Variants in PPM1K observed in about 807,000 individuals in gnomAD.
The protein encoded by PPM1K is protein phosphatase, Mg2+/Mn2+ dependent 1K, also known as protein phosphatase Mn(2+)-dependent 1K.
Under a neutral mutation model 32.6 loss-of-function variants are expected in PPM1K, and 19 were observed. That is an observed-to-expected ratio of 0.58 (90% CI 0.41 to 0.86). PPM1K has a LOEUF of 0.86. Among genes scored for constraint, PPM1K ranks in the 40% least tolerant of loss-of-function variants. PPM1K has a pLI of 0.00. For synonymous variants in PPM1K, 159 were observed against 165.3 expected, an observed-to-expected ratio of 0.96 and a Z score of 0.29; for missense variants, 362 against 461.2, an observed-to-expected ratio of 0.78 and a Z score of 1.97.
intron 6 of PPM1K, among the ~76,000 whole-genome samples, chr4:88,263,216 A>T (rs139400292): frequency 5.5e-4 from 84 of 152,348 alleles, no homozygotes; most frequent in African/African-American, 1.8e-3. Flanking sequence ...AATGGCTAAT[A>T]AGCCTATGCA....
Position 88,265,147 on chromosome 4 carries a change from A to G in PPM1K, c.853-12T>C. ...TCAGCATGATGTAACTGCAATCAGA[A>G]CCAAATGCCTATGATTATAAGCTAG... On this transcript the variant is annotated splice_polypyrimidine_tract_variant and intron_variant, in intron 5 of 6. Coordinates refer to ENST00000608933, the MANE Select transcript of PPM1K (RefSeq NM_152542.5). 6.2e-7 allele frequency: 1 copy of G among 1,614,048 alleles called. No homozygotes were observed. Among genetic ancestry groups the G allele is most frequent in the African/African-American group, 1.3e-5 (1 of 75,036 alleles).
rs1225897773 is a variant in PPM1K, at chr4:88,262,545, C to T, written c.*50G>A. The T allele has an allele frequency of 6.2e-7, 1 of 1,600,274 alleles. No individual in the cohort carries two copies. The highest frequency in any genetic ancestry group is 1.3e-5 in the African/African-American group (1 of 74,466). On this transcript the variant is annotated 3_prime_UTR_variant, in exon 7 of 7. Transcript: ENST00000608933. ...CTTTTTGATCTTATCAGTTTCTTGACATGCTCAGTGAAAAACTGTTGCACA... is the reference window on the plus strand; with the variant it reads ...CTTTTTGATCTTATCAGTTTCTTGATATGCTCAGTGAAAAACTGTTGCACA...
At chr4:88,263,646 A>C (rs953116824) in intron 6 of PPM1K, among the ~76,000 whole-genome samples, 4 of 152,060 alleles carry the variant, frequency 2.6e-5, no homozygotes, top group African/African-American at 9.7e-5. Context: ...GGGTCTCGCC[A>C]TGTTGCCCAA....
intron 5 of PPM1K, 22 bp downstream of exon 5, chr4:88,268,168 G>C: frequency 6.2e-7 from 1 of 1,612,814 alleles, no homozygotes; most frequent in Non-Finnish European, 8.5e-7. Flanking sequence ...GGTTTATCAA[G>C]TGTTTGCAGG....
In PPM1K at chr4:88,260,745, T is replaced by G. The variant is rs919611641; in HGVS notation, c.*1850A>C. On this transcript the variant is annotated 3_prime_UTR_variant, in exon 7 of 7. Transcript: ENST00000608933. ...GGCCCTCTCCCTCCTCATACATTTT[T>G]ACCCAAAGCTTAAAGAAAAAAAAAA... The G allele has an allele frequency of 6.6e-6, 1 of 151,946 alleles. No homozygotes were observed. The highest frequency in any genetic ancestry group is 1.5e-5 in the Non-Finnish European group (1 of 67,996). 9.4% of individuals were successfully genotyped at this position (151,946 alleles called of 1,614,324 possible). A position where few individuals can be genotyped will look rare whatever the true frequency, so the allele number is the denominator to read the frequency against.
At chr4:88,268,393 A>T (rs188321985) in intron 4 of PPM1K, 59 bp from the exon 5 acceptor site, 18 of 1,584,700 alleles carry the variant, frequency 1.1e-5, no homozygotes, top group East Asian at 4.5e-5. Flanking sequence ...GAGGCCAAGG[A>T]GGGCAGATCA....
In PPM1K at chr4:88,264,329, G is replaced by A. The variant is rs1230584300; in HGVS notation, c.987+672C>T. On this transcript the variant is annotated intron_variant, in intron 6 of 6. Transcript: ENST00000608933. ...AGCATAGTTTATGTTTTCTTTACTG[G>A]ATATTACCCAGCTTTCTTTTAATTT... Among the ~76,000 whole-genome samples, 4 of 152,100 alleles carry A rather than the reference G, an allele frequency of 2.6e-5. No homozygotes were observed. In the East Asian group the frequency reaches 7.7e-4, roughly 29 times the overall value.
chr4:88,284,366 G>C (rs1732155334), intron 1 of PPM1K, 40 bp downstream of exon 1: 1 of 152,284 alleles, frequency 6.6e-6, no homozygotes, highest in Admixed American at 6.5e-5. Flanking sequence ...AGCATACATG[G>C]TTAGCAGAAA....
In PPM1K at chr4:88,262,692, G is replaced by C. The variant is rs1731166870; in HGVS notation, c.1022C>G (p.Ala341Gly). ...CCAGGCACCAAAAGGCACTACTACT[G>C]CAGTACTGTTATCCTCAGTACCGTA... ...IQYGTEDNST[A>G]VVVPFGAWGK... Residue 341 changes from alanine (A) to glycine (G), a missense_variant, in exon 7 of 7, where the codon GCA becomes GGA. By Grantham distance (60) the Ala-to-Gly change is moderately conservative (BLOSUM62 0). Coordinates refer to ENST00000608933, the MANE Select transcript of PPM1K (RefSeq NM_152542.5). 2 of 1,613,980 alleles carry C rather than the reference G, an allele frequency of 1.2e-6. No homozygotes were observed. The highest frequency in any genetic ancestry group is 1.7e-6 in the Non-Finnish European group (2 of 1,179,900).
intron 6 of PPM1K, among the ~76,000 whole-genome samples, chr4:88,263,107 C>T (rs781049016): frequency 1.3e-5 from 2 of 152,072 alleles, no homozygotes; most frequent in African/African-American, 4.8e-5. Context: ...TTAGCTCTTA[C>T]CAGGAATTCA....
At chr4:88,270,072 C>G (rs571400351) in intron 3 of PPM1K, among the ~76,000 whole-genome samples, 1 of 152,218 alleles carries the variant, frequency 6.6e-6, no homozygotes, top group South Asian at 2.1e-4. Flanking sequence ...AAGATGACTT[C>G]GATTTTAAAG....
chr4:88,268,254 C>A lies in PPM1K; in HGVS notation c.788G>T (p.Ser263Ile). ...HVNGRLAMTR[S>I]IGDLDLKTSG... ...GGTCTTAAGGTCCAAATCTCCAATACTTCTTGTCATTGCAAGCCTGCCATT... is the reference window on the plus strand; with the variant it reads ...GGTCTTAAGGTCCAAATCTCCAATAATTCTTGTCATTGCAAGCCTGCCATT... The change falls in exon 5 of 7, where the codon AGT (serine) becomes ATT (isoleucine). Residue 263 changes from serine to isoleucine, a missense_variant. Coordinates refer to ENST00000608933, the MANE Select transcript of PPM1K (RefSeq NM_152542.5). 6.2e-7 allele frequency: 1 copy of A among 1,614,116 alleles called. No individual in the cohort carries two copies. The highest frequency in any genetic ancestry group is 1.3e-5 in the African/African-American group (1 of 75,042).
At position 88,272,354 on chromosome 4, in the gene PPM1K, T is replaced by C. The variant is rs143042151; in HGVS notation, c.542-3448A>G. Reference sequence around the variant, plus strand: ...AAGAGGTCACAGGATATGAAGAACATAAAAGTTTCTGGTGAGACTCATAAT... The same window carrying C: ...AAGAGGTCACAGGATATGAAGAACACAAAAGTTTCTGGTGAGACTCATAAT... On this transcript the variant is annotated intron_variant, in intron 3 of 6. Transcript: ENST00000608933. Among the ~76,000 whole-genome samples, 160 of 152,282 alleles carry C rather than the reference T, an allele frequency of 1.1e-3. 2 individuals are homozygous for C. The highest frequency in any genetic ancestry group is 2.5e-3 in the Admixed American group (38 of 15,296).
At chr4:88,274,152 C>T (rs1025309860) in intron 3 of PPM1K, among the ~76,000 whole-genome samples, 4 of 152,176 alleles carry the variant, frequency 2.6e-5, no homozygotes, top group East Asian at 3.8e-4. Context: ...TTACGCCAGA[C>T]GAGCAATGCT....
In PPM1K at chr4:88,278,592, T is replaced by C; in HGVS notation, c.-9A>G. ...AAGGCAGCTGTTGACATAACTCAGCTCCAAAGGACTCAGTGATGAGGGAAA... is the reference window on the plus strand; with the variant it reads ...AAGGCAGCTGTTGACATAACTCAGCCCCAAAGGACTCAGTGATGAGGGAAA... On this transcript the variant is annotated 5_prime_UTR_variant, in exon 2 of 7. Coordinates refer to ENST00000608933, the MANE Select transcript of PPM1K (RefSeq NM_152542.5). This position sits in a 1 kb window ranked among gnomAD's most constrained non-coding sequence, Gnocchi z 4.2. The C allele has an allele frequency of 6.3e-7, 1 of 1,587,972 alleles. No homozygotes were observed. Among genetic ancestry groups the C allele is most frequent in the South Asian group, 1.2e-5 (1 of 86,908 alleles).
chr4:88,271,097 G>A (rs1356414070), intron 3 of PPM1K: 1 of 518,732 alleles, frequency 1.9e-6, no homozygotes, highest in East Asian at 5.4e-5. Flanking sequence ...TCCTTCACCT[G>A]GGACAAAATT....
At chr4:88,283,562 A>G (rs1477735969) in intron 1 of PPM1K, among the ~76,000 whole-genome samples, 1 of 152,210 alleles carries the variant, frequency 6.6e-6, no homozygotes, top group Non-Finnish European at 1.5e-5. Flanking sequence ...AGCTTTTGAG[A>G]CTGCAAATTC....
intron 3 of PPM1K, among the ~76,000 whole-genome samples, chr4:88,271,495 A>G (rs1187570366): frequency 3.3e-5 from 5 of 152,204 alleles, no homozygotes; most frequent in Non-Finnish European, 7.3e-5. Context: ...ATAAAAAAGT[A>G]TCTGTACCAA....
chr4:88,270,417 T>C (rs1010782971), intron 3 of PPM1K, among the ~76,000 whole-genome samples: 1 of 152,234 alleles, frequency 6.6e-6, no homozygotes. Context: ...TGTTGAAAGA[T>C]ACATTTGTCC....
Sources: gnomAD v4.1 joint callset for allele counts (sites outside exome capture counted in the v4.1 genomes callset) on GRCh38, gnomAD v4.1.1 for gene constraint, Gnocchi (gnomAD v3.1) non-coding constraint, MANE v1.5 for transcripts, NCBI Gene and HGNC (gene_info 2026-07-23, HGNC 2026-07-21) for gene names.